The following DENND5B variants were observed in gnomAD, a reference collection of about 807,000 sequenced individuals.
DENND5B encodes the protein DENN domain containing 5B, also known as DENN domain-containing protein 5B.
In DENND5B, 34 loss-of-function variants were observed where a neutral mutation model predicts 140.6. The observed-to-expected ratio is 0.24, with a 90% CI of 0.18 to 0.32. The LOEUF (loss-of-function observed/expected upper bound fraction) is 0.32, where lower values mean the gene tolerates loss of function less well. DENND5B is among the 10% of genes least tolerant of loss of function. DENND5B has a pLI of 1.00. For missense variants in DENND5B, 1,142 were observed against 1,560.2 expected, an observed-to-expected ratio of 0.73 and a Z score of 4.52; for synonymous variants, 551 against 562.1, an observed-to-expected ratio of 0.98 and a Z score of 0.28.
At chr12:31,416,483 C>T (rs574667981) in intron 11 of DENND5B, among the ~76,000 whole-genome samples, 1 of 151,358 alleles carries the variant, frequency 6.6e-6, no homozygotes, top group Non-Finnish European at 1.5e-5. Context: ...CAGCTGGTCT[C>T]GAACTCCTTA....
chr12:31,390,081 A>G (rs1941046394), intron 19 of DENND5B, among the ~76,000 whole-genome samples: 1 of 152,064 alleles, frequency 6.6e-6, no homozygotes, highest in Admixed American at 6.5e-5. Flanking sequence ...GAAATAAACT[A>G]CTTCATCTAG....
intron 7 of DENND5B, among the ~76,000 whole-genome samples, chr12:31,437,691 T>C (rs34585237): frequency 0.13 from 20,207 of 152,000 alleles, 1,607 homozygotes; most frequent in Non-Finnish European, 0.18. Context: ...ATCAAGAAAA[T>C]ATACTCAAAA....
At chr12:31,456,283 C>G (rs1013884645) in intron 4 of DENND5B, among the ~76,000 whole-genome samples, 1 of 143,404 alleles carries the variant, frequency 7.0e-6, no homozygotes, top group African/African-American at 2.7e-5. Context: ...TCAGCTGAGA[C>G]GGCGCCACTG....
Position 31,479,608 on chromosome 12 carries a change from T to A in DENND5B, c.885A>T (p.Gln295His). The A allele has an allele frequency of 6.7e-7, 1 of 1,498,688 alleles. No individual in the cohort carries two copies. Among genetic ancestry groups the A allele is most frequent in the Non-Finnish European group, 8.9e-7 (1 of 1,125,516 alleles). The allele number at this position is 1,498,688 out of a possible 1,614,324, so 92.8% of individuals were successfully genotyped here. ...QVFTCVLLEM[Q>H]ILLYSQDYQR... is the part of the protein sequence containing the mutation. ...ACCTACCTTGTGAGTAGAGAAGGATTTGCATCTCTAAAAGAACACAGGTAA... is the reference window on the plus strand; with the variant it reads ...ACCTACCTTGTGAGTAGAGAAGGATATGCATCTCTAAAAGAACACAGGTAA... The change falls in exon 3 of 21, where the codon CAA becomes CAT. Residue 295 changes from glutamine to histidine, a missense_variant. Around this residue, in one of 5 missense-constraint regions of DENND5B, gnomAD observed 708 missense variants for 905.5 expected, o/e 0.78. Coordinates refer to ENST00000389082, the MANE Select transcript of DENND5B (RefSeq NM_144973.4).
chr12:31,401,559 C>T (rs934800719), intron 15 of DENND5B, among the ~76,000 whole-genome samples: 31 of 152,116 alleles, frequency 2.0e-4, no homozygotes, highest in African/African-American at 7.2e-4. Context: ...AACCTGTGTA[C>T]AGGCTTAACC....
At chr12:31,484,448 T>C (rs1946207233) in intron 2 of DENND5B, among the ~76,000 whole-genome samples, 1 of 151,798 alleles carries the variant, frequency 6.6e-6, no homozygotes, top group Non-Finnish European at 1.5e-5. Flanking sequence ...GTGAAGCAAA[T>C]TGGAAAGGTG....
At chr12:31,528,397 T>C (rs1380052096) in intron 1 of DENND5B, among the ~76,000 whole-genome samples, 1 of 152,180 alleles carries the variant, frequency 6.6e-6, no homozygotes, top group Admixed American at 6.5e-5. Flanking sequence ...ACCAGGATAA[T>C]CTCCGCATCT....
At chr12:31,575,897 C>T (rs1033797653) in intron 1 of DENND5B, among the ~76,000 whole-genome samples, 1 of 151,882 alleles carries the variant, frequency 6.6e-6, no homozygotes, top group Non-Finnish European at 1.5e-5. Context: ...ACACGGGAGG[C>T]GGAGGTTGCA....
intron 7 of DENND5B, among the ~76,000 whole-genome samples, chr12:31,436,165 C>T (rs1943746318): frequency 6.6e-6 from 1 of 150,892 alleles, no homozygotes; most frequent in East Asian, 2.0e-4. Flanking sequence ...AGTGCAGTGG[C>T]GTGATCTCAC....
At chr12:31,420,177 A>G in intron 11 of DENND5B, 1 of 602,906 alleles carries the variant, frequency 1.7e-6, no homozygotes, top group Non-Finnish European at 2.1e-6. Context: ...CCCAAGCTAG[A>G]GTGCAGTGGT....
At chr12:31,404,913 C>T (rs1942037168) in intron 14 of DENND5B, among the ~76,000 whole-genome samples, 1 of 152,048 alleles carries the variant, frequency 6.6e-6, no homozygotes, top group South Asian at 2.1e-4. Context: ...CTGCACACCA[C>T]CACGGCCAGC....
At chr12:31,408,927 C>T (rs1426357656) in intron 14 of DENND5B, among the ~76,000 whole-genome samples, 1 of 152,170 alleles carries the variant, frequency 6.6e-6, no homozygotes, top group Non-Finnish European at 1.5e-5. Context: ...AGATGTTAAG[C>T]TTCGATGCAG....
At chr12:31,587,526 C>CTTTTTTTTTTTTTTTTTTTTT (rs71460995) in intron 1 of DENND5B, among the ~76,000 whole-genome samples, 1 of 74,948 alleles carries the variant, frequency 1.3e-5, no homozygotes, top group African/African-American at 4.8e-5. Flanking sequence ...CCACAAATAC[C>CTTTTTTTTTTTTTTTTTTTTT]TTTTTTTTTT....
At chr12:31,582,503 G>GT (rs1323963219) in intron 1 of DENND5B, among the ~76,000 whole-genome samples, 1 of 152,110 alleles carries the variant, frequency 6.6e-6, no homozygotes, top group African/African-American at 2.4e-5. Context: ...GAGCAAAGAG[G>GT]TTTTTTAAAA....
At chr12:31,553,957 C>G (rs1949171033) in intron 1 of DENND5B, among the ~76,000 whole-genome samples, 1 of 152,076 alleles carries the variant, frequency 6.6e-6, no homozygotes. Context: ...CTATGTATGT[C>G]TCTGCACGTG....
At chr12:31,492,211 T>A (rs1946554791) in intron 2 of DENND5B, among the ~76,000 whole-genome samples, 1 of 152,164 alleles carries the variant, frequency 6.6e-6, no homozygotes, top group African/African-American at 2.4e-5. Context: ...GCTGCTTACA[T>A]AAAATAACCT....
At position 31,384,724 on chromosome 12, in the gene DENND5B, G is replaced by A. The variant is rs2137210275; in HGVS notation, c.*2879C>T. The A allele has an allele frequency of 6.6e-6, 1 of 151,906 alleles. No homozygotes were observed. Among genetic ancestry groups the A allele is most frequent in the East Asian group, 1.9e-4 (1 of 5,182 alleles). 9.4% of individuals were successfully genotyped at this position (151,906 alleles called of 1,614,324 possible). A position where few individuals can be genotyped will look rare whatever the true frequency, so the allele number is the denominator to read the frequency against. The stretch of plus-strand genomic sequence containing the variant: ...TGGGGGTATTACTTTTTAAAGTAAT[G>A]GTTTTATTCATAGGCCGCAAATCCA... On this transcript the variant is annotated 3_prime_UTR_variant, in exon 21 of 21. Coordinates refer to ENST00000389082, the MANE Select transcript of DENND5B (RefSeq NM_144973.4).
Position 31,392,252 on chromosome 12 carries a change from A to T in DENND5B, c.3466+15T>A. The T allele has an allele frequency of 6.2e-7, 1 of 1,613,648 alleles. No homozygotes were observed. Among genetic ancestry groups the T allele is most frequent in the East Asian group, 2.2e-5 (1 of 44,884 alleles). On this transcript the variant is annotated intron_variant, in intron 19 of 20. Transcript: ENST00000389082. ...CTTCAGTGACCTTAATGTAATACAC[A>T]TCTACTTTATTTACCTATGAAGTCC...
intron 16 of DENND5B, among the ~76,000 whole-genome samples, chr12:31,399,305 G>A (rs1203714619): frequency 4.6e-5 from 5 of 109,568 alleles, no homozygotes; most frequent in African/African-American, 1.7e-4. Flanking sequence ...TTGAGATGGA[G>A]TTTCACCTTG....
Sources: allele counts gnomAD v4.1 joint callset (sites outside exome capture counted in the v4.1 genomes callset), GRCh38; gene constraint gnomAD v4.1.1; regional missense constraint gnomAD v4.1.1; transcripts MANE v1.5; gene names NCBI Gene and HGNC (gene_info 2026-07-23, HGNC 2026-07-21).